DPP6: variants seen among roughly 807,000 people sequenced by gnomAD.
DPP6 encodes A-type potassium channel modulatory protein DPP6.
In DPP6, 69 loss-of-function variants were observed where a neutral mutation model predicts 122.6. That is an observed-to-expected ratio of 0.56 (90% CI 0.46 to 0.69). The LOEUF (loss-of-function observed/expected upper bound fraction) is 0.69, where lower values mean the gene tolerates loss of function less well. Among genes scored for constraint, DPP6 ranks in the 30% least tolerant of loss-of-function variants. The pLI is 0.00. For synonymous variants in DPP6, 418 were observed against 433.1 expected (o/e 0.97, Z 0.43); for missense variants, 928 against 1,116.9 (o/e 0.83, Z 2.41).
At chr7:153,976,640 G>A (rs1796320459) in intron 1 of DPP6, among the ~76,000 whole-genome samples, 1 of 152,228 alleles carries the variant, frequency 6.6e-6, no homozygotes. Flanking sequence ...AATCAGGTTG[G>A]GAGGGCAAGA....
At chr7:153,933,705 TCACAC>T (rs1563022396) in intron 1 of DPP6, among the ~76,000 whole-genome samples, 4 of 141,016 alleles carry the variant, frequency 2.8e-5, no homozygotes, top group African/African-American at 1.0e-4. Flanking sequence ...TCTCTCTCTC[TCACAC>T]ACACACACCT....
At chr7:153,969,685 T>C (rs1320292398) in intron 1 of DPP6, among the ~76,000 whole-genome samples, 3 of 148,972 alleles carry the variant, frequency 2.0e-5, no homozygotes, top group Admixed American at 1.3e-4. Flanking sequence ...GTGTCCTCTT[T>C]ATTGAGATAC....
At chr7:154,366,290 A>G (rs546496667) in intron 1 of DPP6, among the ~76,000 whole-genome samples, 2 of 152,346 alleles carry the variant, frequency 1.3e-5, no homozygotes, top group East Asian at 3.9e-4. Flanking sequence ...AACGAGTGGC[A>G]AATGTACTAG....
At chr7:154,330,825 A>G (rs545985089) in intron 1 of DPP6, among the ~76,000 whole-genome samples, 3 of 152,234 alleles carry the variant, frequency 2.0e-5, no homozygotes, top group Admixed American at 6.5e-5. Flanking sequence ...GGACAAATGC[A>G]TCTACCTTTC....
chr7:154,806,459 G>A (rs759555250), intron 15 of DPP6, among the ~76,000 whole-genome samples: 13 of 152,148 alleles, frequency 8.5e-5, no homozygotes, highest in African/African-American at 1.7e-4. Context: ...AGTGGGAAGC[G>A]CGAGCTCTCG....
chr7:154,879,126 C>A (rs895792483), intron 20 of DPP6, among the ~76,000 whole-genome samples: 1 of 152,174 alleles, frequency 6.6e-6, no homozygotes, highest in Non-Finnish European at 1.5e-5. Flanking sequence ...GATTGCATTG[C>A]CTTCTCACAG....
chr7:154,393,641 AAT>A (rs1340390854), intron 1 of DPP6, among the ~76,000 whole-genome samples: 2 of 151,906 alleles, frequency 1.3e-5, no homozygotes, highest in African/African-American at 4.8e-5. Flanking sequence ...ATTATGGTAA[AAT>A]ATATATAACA....
At chr7:153,914,372 T>C (rs187920530) in intron 1 of DPP6, among the ~76,000 whole-genome samples, 6 of 152,294 alleles carry the variant, frequency 3.9e-5, no homozygotes, top group Non-Finnish European at 8.8e-5. Context: ...CTAATACATA[T>C]GGCTAAGTCA....
chr7:153,835,063 T>C, the DPP6 span, among the ~76,000 whole-genome samples: 2 of 152,202 alleles, frequency 1.3e-5, no homozygotes, highest in Non-Finnish European at 2.9e-5. Flanking sequence ...TTGTTATATA[T>C]GCAGATAACA....
rs537865240 is a variant in DPP6, at chr7:153,908,313, C to T, written c.51+20579C>T. Among the ~76,000 whole-genome samples, 34 of 152,166 alleles carry T rather than the reference C, an allele frequency of 2.2e-4. 1 individual carries two copies. The South Asian group carries it at 3.3e-3, about 15-fold the overall frequency. ...GTTCATCCCACAGAGGATGAAACAACAGACTTGGTCAAAAAAGTATAGTTA... is the reference window on the plus strand; with the variant it reads ...GTTCATCCCACAGAGGATGAAACAATAGACTTGGTCAAAAAAGTATAGTTA... On this transcript the variant is annotated intron_variant, in intron 1 of 25. Coordinates refer to the DPP6 transcript ENST00000404039.
intron 8 of DPP6, among the ~76,000 whole-genome samples, chr7:154,736,370 C>T (rs141663882): frequency 0.025 from 3,838 of 152,326 alleles, 71 homozygotes; most frequent in Non-Finnish European, 0.038. Flanking sequence ...AGCAAAACAG[C>T]AGCCATACAC....
At chr7:154,577,119 G>C (rs897881361) in intron 5 of DPP6, among the ~76,000 whole-genome samples, 3,305 of 152,206 alleles carry the variant, frequency 0.022, 52 homozygotes, top group South Asian at 0.038. Flanking sequence ...GCGTAGTTTG[G>C]GGGAGGATGA....
intron 1 of DPP6, among the ~76,000 whole-genome samples, chr7:154,374,887 C>T (rs1812996097): frequency 6.6e-6 from 1 of 152,198 alleles, no homozygotes; most frequent in Admixed American, 6.5e-5. Context: ...GCTGGGATTA[C>T]AGGCGTGAGC....
rs190244846 is a variant in DPP6 at position 154,054,512 on chromosome 7, C to A, written c.243+1449C>A. ...CAGGTACACACCCCCTACAGCCCTGCGTCAGATTTTGCATGAGGTTTTGTG... is the reference window on the plus strand; with the variant it reads ...CAGGTACACACCCCCTACAGCCCTGAGTCAGATTTTGCATGAGGTTTTGTG... On this transcript the variant is annotated intron_variant, in intron 1 of 25. Transcript: ENST00000377770. 2.0e-3 allele frequency among the ~76,000 whole-genome samples: 305 copies of A among 152,258 alleles called. 1 individual carries two copies. Among genetic ancestry groups the A allele is most frequent in the Non-Finnish European group, 3.0e-3 (206 of 68,030 alleles).
intron 1 of DPP6, among the ~76,000 whole-genome samples, chr7:153,997,424 G>A (rs1332775757): frequency 1.3e-5 from 2 of 151,980 alleles, no homozygotes; most frequent in Non-Finnish European, 2.9e-5. Context: ...TCTGGTGAAC[G>A]AGTAAATAAC....
the DPP6 span, among the ~76,000 whole-genome samples, chr7:153,824,309 C>T: frequency 1.4e-5 from 2 of 147,498 alleles, no homozygotes; most frequent in African/African-American, 5.0e-5. Context: ...ATCACTTGAA[C>T]CCGGGAGGTG....
chr7:154,064,865 C>T (rs772528037), intron 1 of DPP6, among the ~76,000 whole-genome samples: 16 of 152,178 alleles, frequency 1.1e-4, no homozygotes, highest in African/African-American at 1.7e-4. Flanking sequence ...GAGCCTGCAC[C>T]GCAAGCGCGT....
At chr7:154,837,297 A>G (rs573731575) in intron 16 of DPP6, among the ~76,000 whole-genome samples, 287 of 151,932 alleles carry the variant, frequency 1.9e-3, no homozygotes, top group African/African-American at 6.5e-3. Flanking sequence ...ATTCACATGC[A>G]TGCACACATG....
chr7:154,866,980 C>CA (rs1803924908), intron 17 of DPP6, among the ~76,000 whole-genome samples: 1 of 146,594 alleles, frequency 6.8e-6, no homozygotes, highest in Admixed American at 6.7e-5. Flanking sequence ...ACCTGCAGAG[C>CA]AGCTTTTTTT....
Sources: allele counts gnomAD v4.1 joint callset (sites outside exome capture counted in the v4.1 genomes callset), GRCh38; gene constraint gnomAD v4.1.1; transcripts MANE v1.5; gene names NCBI Gene and HGNC (gene_info 2026-07-23, HGNC 2026-07-21).